The following GRM8 variants were observed in gnomAD, a reference collection of about 807,000 sequenced individuals.
GRM8 encodes the protein metabotropic glutamate receptor 8.
In GRM8, 47 loss-of-function variants were observed where a neutral mutation model predicts 87.2. That is an observed-to-expected ratio of 0.54 (90% CI 0.43 to 0.69). GRM8 has a LOEUF of 0.69. Ranked by LOEUF, GRM8 falls within the 30% of genes least tolerant of loss-of-function variation. GRM8 has a pLI of 0.00. For missense variants in GRM8, 1,019 were observed against 1,139.2 expected (o/e 0.89, Z 1.52); for synonymous variants, 396 against 404.5 (o/e 0.98, Z 0.25).
intron 9 of GRM8, among the ~76,000 whole-genome samples, chr7:126,477,893 G>C (rs1397865205): frequency 2.0e-5 from 3 of 152,100 alleles, no homozygotes; most frequent in African/African-American, 7.2e-5. Context: ...GAGACCAAAA[G>C]TTCAAAATCA....
intron 6 of GRM8, among the ~76,000 whole-genome samples, chr7:126,845,885 C>T (rs1796674245): frequency 6.6e-6 from 1 of 151,672 alleles, no homozygotes; most frequent in South Asian, 2.1e-4. Flanking sequence ...CAGGGTGAAT[C>T]CCTTAGAGTG....
intron 7 of GRM8, among the ~76,000 whole-genome samples, chr7:126,705,710 G>T (rs1810435601): frequency 6.6e-6 from 1 of 152,088 alleles, no homozygotes; most frequent in African/African-American, 2.4e-5. Context: ...GTCATTAAGA[G>T]ATGTAAAACT....
chr7:126,552,778 T>C (rs1429090123), intron 8 of GRM8, among the ~76,000 whole-genome samples: 1 of 152,118 alleles, frequency 6.6e-6, no homozygotes, highest in Non-Finnish European at 1.5e-5. Flanking sequence ...AAATTTCCAG[T>C]TTCCAATGAT....
chr7:126,645,237 G>T (rs1802903654), intron 7 of GRM8, among the ~76,000 whole-genome samples: 1 of 152,132 alleles, frequency 6.6e-6, no homozygotes, highest in South Asian at 2.1e-4. Context: ...TACTGCTCTG[G>T]AGTCATGTGG....
chr7:126,603,412 AG>A (rs1200797521), intron 8 of GRM8, among the ~76,000 whole-genome samples: 2 of 151,160 alleles, frequency 1.3e-5, no homozygotes, highest in African/African-American at 4.9e-5. Context: ...AAGGAAATAA[AG>A]GGTATTCAAT....
At chr7:126,858,704 C>T (rs1014497139) in intron 6 of GRM8, among the ~76,000 whole-genome samples, 3 of 152,172 alleles carry the variant, frequency 2.0e-5, no homozygotes, top group African/African-American at 4.8e-5. Flanking sequence ...AAAAGCAACG[C>T]TGAAATGACC....
At chr7:126,952,735 G>A (rs1246270581) in intron 3 of GRM8, among the ~76,000 whole-genome samples, 1 of 151,874 alleles carries the variant, frequency 6.6e-6, no homozygotes, top group Non-Finnish European at 1.5e-5. Flanking sequence ...CACCAGACAA[G>A]CCCAAATTGA....
At chr7:126,684,292 G>A (rs1290378317) in intron 7 of GRM8, among the ~76,000 whole-genome samples, 1 of 152,164 alleles carries the variant, frequency 6.6e-6, no homozygotes, top group Non-Finnish European at 1.5e-5. Flanking sequence ...CAAGGACTCA[G>A]CTTCAGGAAA....
intron 7 of GRM8, among the ~76,000 whole-genome samples, chr7:126,719,181 A>C (rs1812095575): frequency 6.6e-6 from 1 of 152,240 alleles, no homozygotes; most frequent in Admixed American, 6.5e-5. Flanking sequence ...TTATCATAAA[A>C]TATAAATTAA....
intron 7 of GRM8, among the ~76,000 whole-genome samples, chr7:126,677,888 A>G (rs1807151576): frequency 1.3e-5 from 2 of 152,338 alleles, no homozygotes; most frequent in East Asian, 3.9e-4. Context: ...AAGCTCCCAC[A>G]GTCGTGTAAG....
intron 6 of GRM8, among the ~76,000 whole-genome samples, chr7:126,803,919 A>C (rs1792377136): frequency 6.6e-6 from 1 of 152,250 alleles, no homozygotes; most frequent in South Asian, 2.1e-4. Context: ...GGCACATAGT[A>C]AATCGTCACT....
intron 8 of GRM8, among the ~76,000 whole-genome samples, chr7:126,553,432 A>G (rs1242441635): frequency 7.9e-5 from 12 of 152,170 alleles, no homozygotes; most frequent in Non-Finnish European, 1.8e-4. Context: ...CACTTTTAAA[A>G]TGGAATGAAA....
chr7:127,000,497 C>T (rs949374202), intron 3 of GRM8, among the ~76,000 whole-genome samples: 1 of 151,612 alleles, frequency 6.6e-6, no homozygotes, highest in Admixed American at 6.6e-5. Context: ...AAGTATTTCA[C>T]ATGCCCCATA....
intron 3 of GRM8, among the ~76,000 whole-genome samples, chr7:126,938,181 T>C (rs1806537697): frequency 6.6e-6 from 1 of 152,166 alleles, no homozygotes; most frequent in African/African-American, 2.4e-5. Flanking sequence ...ACTTTCTCTG[T>C]CCCTTCCCCT....
intron 9 of GRM8, among the ~76,000 whole-genome samples, chr7:126,515,366 T>G (rs914637091): frequency 3.3e-5 from 5 of 152,246 alleles, no homozygotes; most frequent in Middle Eastern, 3.4e-3. Context: ...AAGATAATCT[T>G]AAGGGATTGT....
chr7:126,945,197 A>T (rs1287181819), intron 3 of GRM8, among the ~76,000 whole-genome samples: 1 of 152,214 alleles, frequency 6.6e-6, no homozygotes, highest in Admixed American at 6.5e-5. Flanking sequence ...TCGCAAAAAA[A>T]TACAAAACCT....
intron 2 of GRM8, among the ~76,000 whole-genome samples, chr7:127,213,120 A>T (rs1587289305): frequency 6.6e-6 from 1 of 152,292 alleles, no homozygotes; most frequent in East Asian, 1.9e-4. Flanking sequence ...ACGGTGATAC[A>T]CTTATCCACA....
At chr7:127,123,425 T>C (rs531422312) in intron 2 of GRM8, among the ~76,000 whole-genome samples, 2 of 152,136 alleles carry the variant, frequency 1.3e-5, no homozygotes, top group South Asian at 4.2e-4. Flanking sequence ...GTTCCCTCAA[T>C]AGCTAGTTAT....
At chr7:127,248,197 A>G (rs1798678074) in intron 1 of GRM8, among the ~76,000 whole-genome samples, 1 of 152,226 alleles carries the variant, frequency 6.6e-6, no homozygotes, top group Non-Finnish European at 1.5e-5. Flanking sequence ...AGAAGAGAGA[A>G]AGTGGGTGAC....
Sources: gnomAD v4.1 joint callset for allele counts (sites outside exome capture counted in the v4.1 genomes callset) on GRCh38, gnomAD v4.1.1 for gene constraint, MANE v1.5 for transcripts, NCBI Gene and HGNC (gene_info 2026-07-23, HGNC 2026-07-21) for gene names.